Variants in STARD10 observed in about 807,000 individuals in gnomAD.
STARD10 encodes START domain-containing protein 10.
STARD10 carries 24 observed loss-of-function variants against 36.0 expected under a neutral mutation model. The observed-to-expected ratio is 0.67, with a 90% CI of 0.48 to 0.94. The LOEUF is 0.94. STARD10 is among the 40% of genes least tolerant of loss of function. The probability of loss-of-function intolerance (pLI) is 0.00; values close to 1 mark genes in which losing one functional copy is unlikely to be tolerated. For synonymous variants in STARD10, 156 were observed against 161.9 expected, an observed-to-expected ratio of 0.96 and a Z score of 0.28; for missense variants, 335 against 396.6, an observed-to-expected ratio of 0.84 and a Z score of 1.32.
In STARD10 at chr11:72,754,765, C is replaced by T. The variant is rs771149092; in HGVS notation, c.*132G>A. 1.0e-4 allele frequency: 139 copies of T among 1,367,110 alleles called. 1 individual carries two copies. In the African/African-American group the frequency reaches 1.8e-3, roughly 18 times the overall value. The allele number at this position is 1,367,110 out of a possible 1,614,324, so 84.7% of individuals were successfully genotyped here. On this transcript the variant is annotated 3_prime_UTR_variant, in exon 7 of 7. Transcript: ENST00000334805. ...GATCGTTTATTGGGGCTCTGTCCAG[C>T]CAGGCTGCAGCACCCGCCTGGGCCT...
chr11:72,755,287 C>A, intron 6 of STARD10, 145 bp from the exon 7 acceptor site: 1 of 811,154 alleles, frequency 1.2e-6, no homozygotes, highest in Admixed American at 3.1e-5. Context: ...TCCCTGGGCC[C>A]TAGGCTCCAT....
chr11:72,792,658 T>C (rs1859162247), intron 1 of STARD10, among the ~76,000 whole-genome samples: 1 of 152,032 alleles, frequency 6.6e-6, no homozygotes, highest in Non-Finnish European at 1.5e-5. Context: ...AGACCTCAGC[T>C]CAATGCGCAT....
rs1189000490 is a variant in STARD10 at position 72,761,917 on chromosome 11, C to CTTTTTTTTTTTTTTTT, written c.208-2552_208-2537dup. 4.6e-3 allele frequency among the ~76,000 whole-genome samples: 172 copies of CTTTTTTTTTTTTTTTT among 37,424 alleles called. 2 individuals are homozygous for CTTTTTTTTTTTTTTTT. Among genetic ancestry groups the CTTTTTTTTTTTTTTTT allele is most frequent in the Non-Finnish European group, 5.0e-3 (105 of 20,966 alleles). 24.6% of individuals were successfully genotyped at this position (37,424 alleles called of 152,430 possible). A position where few individuals can be genotyped will look rare whatever the true frequency, so the allele number is the denominator to read the frequency against. On this transcript the variant is annotated intron_variant, in intron 2 of 6. Coordinates refer to ENST00000334805, the MANE Select transcript of STARD10 (RefSeq NM_006645.3). ...TCTGTATTTCTTTTTCTTTTCTTTT[C>CTTTTTTTTTTTTTTTT]TTTTTTTTTTTTTTTTTTTTTTTTT...
chr11:72,784,856 G>A (rs1408333491), intron 1 of STARD10, among the ~76,000 whole-genome samples: 1 of 152,232 alleles, frequency 6.6e-6, no homozygotes, highest in African/African-American at 2.4e-5. Context: ...GAGAAGCGGC[G>A]TGGGAATGTG....
At chr11:72,774,842 G>T (rs1858909929) in intron 2 of STARD10, among the ~76,000 whole-genome samples, 1 of 152,244 alleles carries the variant, frequency 6.6e-6, no homozygotes, top group South Asian at 2.1e-4. Flanking sequence ...GGCCCAGCCA[G>T]GCATGGAGAT....
intron 2 of STARD10, among the ~76,000 whole-genome samples, chr11:72,760,758 C>G (rs952756903): frequency 6.6e-6 from 1 of 152,062 alleles, no homozygotes; most frequent in African/African-American, 2.4e-5. Flanking sequence ...CAAGTAAAAT[C>G]AGAACGAGGT....
At chr11:72,789,220 C>T (rs1019011637) in intron 1 of STARD10, among the ~76,000 whole-genome samples, 4 of 152,156 alleles carry the variant, frequency 2.6e-5, no homozygotes, top group Non-Finnish European at 5.9e-5. Flanking sequence ...GAGTTAATCC[C>T]GTGGAGTGCT....
intron 2 of STARD10, among the ~76,000 whole-genome samples, chr11:72,768,477 G>A (rs559571036): frequency 3.3e-5 from 5 of 151,786 alleles, no homozygotes; most frequent in Admixed American, 6.6e-5. Context: ...CAAGAGCTGC[G>A]CCAGGGCACA....
chr11:72,792,260 T>C (rs1485879182), intron 1 of STARD10, among the ~76,000 whole-genome samples: 1 of 151,968 alleles, frequency 6.6e-6, no homozygotes. Context: ...TTCTCCACTT[T>C]GGTCAGGCTG....
chr11:72,758,692 G>GT (rs1385575924), intron 3 of STARD10, 59 bp from the exon 4 acceptor site: 2 of 1,299,426 alleles, frequency 1.5e-6, no homozygotes, highest in Non-Finnish European at 2.2e-6. Context: ...ACAAGGGAGG[G>GT]TGTGGCAGAG....
intron 1 of STARD10, among the ~76,000 whole-genome samples, chr11:72,790,600 A>G (rs930387841): frequency 6.6e-6 from 1 of 152,200 alleles, no homozygotes; most frequent in African/African-American, 2.4e-5. Flanking sequence ...GCATTCATGG[A>G]CTTCTGCCAT....
chr11:72,759,440 G>T lies in STARD10; in HGVS notation c.208-59C>A, dbSNP rs528830974. ...ATGGGGCTCAGAGCCTTGGCCAGGG[G>T]ACCAGAAGGCAGACAGGCAGAGGGG... On this transcript the variant is annotated intron_variant, in intron 2 of 6. Coordinates refer to ENST00000334805, the MANE Select transcript of STARD10 (RefSeq NM_006645.3). The T allele has an allele frequency of 2.8e-4, 451 of 1,599,604 alleles. 3 individuals are homozygous for T. In the African/African-American group the frequency reaches 5.4e-3, roughly 19 times the overall value.
At chr11:72,760,429 T>C (rs191315054) in intron 2 of STARD10, among the ~76,000 whole-genome samples, 1 of 152,194 alleles carries the variant, frequency 6.6e-6, no homozygotes, top group Admixed American at 6.5e-5. Context: ...GGTTTCACCA[T>C]GTTGGCCAGG....
Position 72,793,979 on chromosome 11 carries a change from G to T in STARD10, c.-1218C>A, listed in dbSNP as rs1269563723. On this transcript the variant is annotated 5_prime_UTR_variant, in exon 1 of 7. Coordinates refer to ENST00000334805, the MANE Select transcript of STARD10 (RefSeq NM_006645.3). The stretch of plus-strand genomic sequence containing the variant: ...GCTCGGCATCGTCCTTCTGACCGGG[G>T]ACTCCAGCATCTCAGTCATCGCGTC... 6.6e-6 allele frequency: 1 copy of T among 152,226 alleles called. No homozygotes were observed. Among genetic ancestry groups the T allele is most frequent in the Non-Finnish European group, 1.5e-5 (1 of 68,050 alleles). The allele number at this position is 152,226 out of a possible 1,614,324, so 9.4% of individuals were successfully genotyped here. A position where few individuals can be genotyped will look rare whatever the true frequency, so the allele number is the denominator to read the frequency against.
chr11:72,758,285 C>T (rs567808219), intron 4 of STARD10, among the ~76,000 whole-genome samples: 1 of 152,330 alleles, frequency 6.6e-6, no homozygotes, highest in African/African-American at 2.4e-5. Flanking sequence ...TGTCCCAGAG[C>T]CCAACCAATC....
At chr11:72,767,300 C>T (rs1348318862) in intron 2 of STARD10, among the ~76,000 whole-genome samples, 1 of 152,206 alleles carries the variant, frequency 6.6e-6, no homozygotes, top group Admixed American at 6.5e-5. Flanking sequence ...TGAAATTTAG[C>T]TCAAACCACC....
chr11:72,780,971 C>A lies in STARD10; in HGVS notation c.207+4G>T. The A allele has an allele frequency of 6.2e-7, 1 of 1,614,112 alleles. No homozygotes were observed. The highest frequency in any genetic ancestry group is 8.5e-7 in the Non-Finnish European group (1 of 1,179,966). On this transcript the variant is annotated splice_donor_region_variant and intron_variant, in intron 2 of 6. Transcript: ENST00000334805. Reference sequence around the variant, plus strand: ...GAGGCTGCAGGTATAGCGGGCAACCCTACCTTGATCTTGTGCAGCGTCCGA... The same window carrying A: ...GAGGCTGCAGGTATAGCGGGCAACCATACCTTGATCTTGTGCAGCGTCCGA...
In STARD10 at chr11:72,785,404, A is replaced by G. The variant is rs534485667; in HGVS notation, c.-113-4110T>C. On this transcript the variant is annotated intron_variant, in intron 1 of 6. Coordinates refer to ENST00000334805, the MANE Select transcript of STARD10 (RefSeq NM_006645.3). ...ACATGGTGAAACCCCATCTCTACTA[A>G]AAATACAACAATTAGCCAGGTGTGG... Among the ~76,000 whole-genome samples, 3 of 151,820 alleles carry G rather than the reference A, an allele frequency of 2.0e-5. No homozygotes were observed. The South Asian group carries it at 6.3e-4, about 32-fold the overall frequency.
intron 6 of STARD10, 102 bp downstream of exon 6, chr11:72,755,599 C>T: frequency 7.3e-7 from 1 of 1,364,868 alleles, no homozygotes; most frequent in Non-Finnish European, 1.0e-6. Context: ...GCATGAGCCA[C>T]CACGCCTGGC....
Sources: gnomAD v4.1 joint callset for allele counts (sites outside exome capture counted in the v4.1 genomes callset) on GRCh38, gnomAD v4.1.1 for gene constraint, MANE v1.5 for transcripts, NCBI Gene and HGNC (gene_info 2026-07-23, HGNC 2026-07-21) for gene names.